Variants in ERVK3-1 observed in about 807,000 individuals in gnomAD.
The protein encoded by ERVK3-1 is endogenous retrovirus group K3 member 1.
rs1022212862 is a variant in ERVK3-1, at chr19:58,313,080, A to G, written c.294+618A>G. The G allele has an allele frequency of 6.6e-6, 1 of 152,254 alleles. No homozygotes were observed. Among genetic ancestry groups the G allele is most frequent in the Admixed American group, 6.5e-5 (1 of 15,276 alleles). 9.4% of individuals were successfully genotyped at this position (152,254 alleles called of 1,614,324 possible). A position where few individuals can be genotyped will look rare whatever the true frequency, so the allele number is the denominator to read the frequency against. On this transcript the variant is annotated intron_variant, in intron 3 of 3. Coordinates refer to ENST00000413518, the Ensembl canonical transcript of ERVK3-1. The surrounding 1 kb of genome is among the most constrained non-coding windows in gnomAD (Gnocchi z 4.5). Reference sequence around the variant, plus strand: ...CTGCACAACTTGCTTGGTATAGGACAGGCTTTAACCCGCCCTTACCTCAGT... The same window carrying G: ...CTGCACAACTTGCTTGGTATAGGACGGGCTTTAACCCGCCCTTACCTCAGT...
At chr19:58,306,716 T>C (rs1174555078) in intron 2 of ERVK3-1, 1 of 152,264 alleles carries the variant, frequency 6.6e-6, no homozygotes, top group African/African-American at 2.4e-5. Context: ...CAAAAAATTC[T>C]ACATGCTGTG....
chr19:58,310,599 T>C lies in ERVK3-1; in HGVS notation c.-3-1567T>C, dbSNP rs1478858112. 2 of 156,176 alleles carry C rather than the reference T, an allele frequency of 1.3e-5. No homozygotes were observed. The highest frequency in any genetic ancestry group is 2.9e-5 in the Non-Finnish European group (2 of 70,074). The allele number at this position is 156,176 out of a possible 1,614,324, so 9.7% of individuals were successfully genotyped here. ...GACAGCTTACGCCATTATTTCTGCATATCAGGGACTATTAGTACTTTCACT... is the reference window on the plus strand; with the variant it reads ...GACAGCTTACGCCATTATTTCTGCACATCAGGGACTATTAGTACTTTCACT... On this transcript the variant is annotated intron_variant, in intron 2 of 3. Coordinates refer to ENST00000413518, the Ensembl canonical transcript of ERVK3-1. The surrounding 1 kb of genome is among the most constrained non-coding windows in gnomAD (Gnocchi z 4.7).
chr19:58,312,244 A>C lies in ERVK3-1; in HGVS notation c.76A>C (p.Thr26Pro), dbSNP rs1264257987. 1 of 400,002 alleles carries C rather than the reference A, an allele frequency of 2.5e-6. No individual in the cohort carries two copies. Among genetic ancestry groups the C allele is most frequent in the African/African-American group, 2.1e-5 (1 of 48,606 alleles). 24.8% of individuals were successfully genotyped at this position (400,002 alleles called of 1,614,324 possible). A position where few individuals can be genotyped will look rare whatever the true frequency, so the allele number is the denominator to read the frequency against. ...AGACCGGAGGGATCCATGGTATTCA[A>C]CCGTGGGCCTGTTACCTCCAGTACG... The change falls in exon 3 of 4, where the codon ACC becomes CCC. Residue 26 changes from threonine to proline, a missense_variant. Physicochemically the swap from Thr to Pro is conservative, Grantham distance 38. Transcript: ENST00000413518. This position sits in a 1 kb window ranked among gnomAD's most constrained non-coding sequence, Gnocchi z 4.7.
At chr19:58,309,676 C>G (rs966241026) in intron 2 of ERVK3-1, 34 of 151,640 alleles carry the variant, frequency 2.2e-4, no homozygotes, top group Admixed American at 2.0e-4. Flanking sequence ...CCCCCATTCT[C>G]CATCAGGACT....
rs1204864707 is a variant in ERVK3-1 at position 58,310,746 on chromosome 19, T to C, written c.-3-1420T>C. 4.4e-6 allele frequency: 1 copy of C among 227,984 alleles called. No homozygotes were observed. Among genetic ancestry groups the C allele is most frequent in the Non-Finnish European group, 9.2e-6 (1 of 108,578 alleles). 14.1% of individuals were successfully genotyped at this position (227,984 alleles called of 1,614,324 possible). A position where few individuals can be genotyped will look rare whatever the true frequency, so the allele number is the denominator to read the frequency against. On this transcript the variant is annotated intron_variant, in intron 2 of 3. Coordinates refer to ENST00000413518, the Ensembl canonical transcript of ERVK3-1. The surrounding 1 kb of genome is among the most constrained non-coding windows in gnomAD (Gnocchi z 4.7). ...AGACGGTTAGGCCTCCGGATAACTG[T>C]GGGCGAGCCTGACTAATGTCAGGCC...
chr19:58,315,554 A>C (rs1472733104), exon 4 of ERVK3-1: 1 of 152,206 alleles, frequency 6.6e-6, no homozygotes, highest in Non-Finnish European at 1.5e-5. Context: ...ATAATACTGC[A>C]TTGTATGGAT....
intron 2 of ERVK3-1, among the ~76,000 whole-genome samples, chr19:58,307,408 C>A (rs572209855): frequency 2.0e-5 from 3 of 152,146 alleles, no homozygotes; most frequent in Non-Finnish European, 4.4e-5. Context: ...TTTCTCAAAG[C>A]CTGTCAGGAT....
At chr19:58,315,108 C>T (rs1474211062) in exon 4 of ERVK3-1, 1 of 251,944 alleles carries the variant, frequency 4.0e-6, no homozygotes, top group Non-Finnish European at 7.5e-6. Flanking sequence ...ATCCCTTCCT[C>T]CCTATTCACT....
chr19:58,313,338 G>A lies in ERVK3-1; in HGVS notation c.294+876G>A, dbSNP rs1396421127. On this transcript the variant is annotated intron_variant, in intron 3 of 3. Coordinates refer to ENST00000413518, the Ensembl canonical transcript of ERVK3-1. This position sits in a 1 kb window ranked among gnomAD's most constrained non-coding sequence, Gnocchi z 4.5. ...GTCTCACTCTGTCGCCCAGGCTGGA[G>A]TGCAGTGGCGCAATCTCGGGTCACT... Among the ~76,000 whole-genome samples, 1 of 152,184 alleles carries A rather than the reference G, an allele frequency of 6.6e-6. No individual in the cohort carries two copies. Among genetic ancestry groups the A allele is most frequent in the African/African-American group, 2.4e-5 (1 of 41,450 alleles).
intron 3 of ERVK3-1, 92 bp from the exon 4 acceptor site, chr19:58,314,655 CA>C: frequency 3.7e-6 from 1 of 269,910 alleles, no homozygotes; most frequent in Non-Finnish European, 6.9e-6. Context: ...AAAAAAGCCT[CA>C]ACCCTTGGAC....
In ERVK3-1 at chr19:58,307,381, C is replaced by T. The variant is rs370343950; in HGVS notation, c.-4+1165C>T. Among the ~76,000 whole-genome samples, 24 of 152,294 alleles carry T rather than the reference C, an allele frequency of 1.6e-4. No individual in the cohort carries two copies. The South Asian group carries it at 5.0e-3, about 32-fold the overall frequency. Reference sequence around the variant, plus strand: ...TGTGCATTAGCACCCGTGAGATGTACAAACAGCTTGGGAAATTTTCTCAAA... The same window carrying T: ...TGTGCATTAGCACCCGTGAGATGTATAAACAGCTTGGGAAATTTTCTCAAA... On this transcript the variant is annotated intron_variant, in intron 2 of 3. Transcript: ENST00000413518.
chr19:58,306,485 T>C (rs2051524678), intron 2 of ERVK3-1: 1 of 152,232 alleles, frequency 6.6e-6, no homozygotes, highest in Non-Finnish European at 1.5e-5. Flanking sequence ...GTTCTTAAAG[T>C]GGATCCTTCT....
chr19:58,307,633 C>T (rs537828112), intron 2 of ERVK3-1, among the ~76,000 whole-genome samples: 20 of 151,776 alleles, frequency 1.3e-4, no homozygotes, highest in African/African-American at 3.6e-4. Flanking sequence ...CCCGCTCCCC[C>T]CAACACACAC....
At chr19:58,311,119 A>G (rs1241736515) in intron 2 of ERVK3-1, 1 of 153,704 alleles carries the variant, frequency 6.5e-6, no homozygotes, top group Non-Finnish European at 1.5e-5. Flanking sequence ...CTAATGATTA[A>G]TGATATTCAT....
At position 58,313,389 on chromosome 19, in the gene ERVK3-1, C is replaced by G. The variant is rs961501713; in HGVS notation, c.294+927C>G. Among the ~76,000 whole-genome samples, 7 of 152,146 alleles carry G rather than the reference C, an allele frequency of 4.6e-5. No homozygotes were observed. Among genetic ancestry groups the G allele is most frequent in the Admixed American group, 4.6e-4 (7 of 15,272 alleles). On this transcript the variant is annotated intron_variant, in intron 3 of 3. Coordinates refer to ENST00000413518, the Ensembl canonical transcript of ERVK3-1. The surrounding 1 kb of genome is among the most constrained non-coding windows in gnomAD (Gnocchi z 4.5). ...GCAACCTTTGCCTCCCGGGTTCAAG[C>G]AATTGTCTGCCTCAGCCTCCCGAGT... is the stretch of plus-strand genomic sequence containing the variant.
At chr19:58,309,863 A>G (rs1166469622) in intron 2 of ERVK3-1, 1 of 152,224 alleles carries the variant, frequency 6.6e-6, no homozygotes, top group African/African-American at 2.4e-5. Flanking sequence ...GTTACCTTGG[A>G]TTCCCAACAA....
At chr19:58,314,543 C>T (rs1211464732) in intron 3 of ERVK3-1, among the ~76,000 whole-genome samples, 4 of 146,550 alleles carry the variant, frequency 2.7e-5, no homozygotes, top group East Asian at 2.0e-4. Context: ...GGGAGAATGA[C>T]GTGAACCCGG....
chr19:58,308,650 G>A (rs2051539009), intron 2 of ERVK3-1, among the ~76,000 whole-genome samples: 1 of 152,188 alleles, frequency 6.6e-6, no homozygotes. Flanking sequence ...CAAACAGATA[G>A]GAAAGGGCTA....
chr19:58,315,370 C>T (rs771272577), exon 4 of ERVK3-1: 5 of 152,234 alleles, frequency 3.3e-5, no homozygotes, highest in Non-Finnish European at 7.3e-5. Flanking sequence ...CTTCCTCCAG[C>T]CTCTGGCAAC....
Sources: gnomAD v4.1 joint callset for allele counts (sites outside exome capture counted in the v4.1 genomes callset) on GRCh38, gnomAD v4.1.1 for gene constraint, Gnocchi (gnomAD v3.1) non-coding constraint, MANE v1.5 for transcripts, NCBI Gene and HGNC (gene_info 2026-07-23, HGNC 2026-07-21) for gene names.